HS3ST5: variants seen among roughly 807,000 people sequenced by gnomAD.
HS3ST5 encodes the protein heparan sulfate-glucosamine 3-sulfotransferase 5.
Under a neutral mutation model 25.4 loss-of-function variants are expected in HS3ST5, and 10 were observed. That is an observed-to-expected ratio of 0.39 (90% CI 0.24 to 0.67). The LOEUF is 0.67. Ranked by LOEUF, HS3ST5 falls within the 30% of genes least tolerant of loss-of-function variation. The pLI is 0.44. For missense variants in HS3ST5, 324 were observed against 420.7 expected (o/e 0.77, Z 2.01); for synonymous variants, 170 against 162.4 (o/e 1.05, Z -0.36).
intron 1 of HS3ST5, among the ~76,000 whole-genome samples, chr6:114,271,907 T>C (rs1773652954): frequency 6.6e-6 from 1 of 152,076 alleles, no homozygotes; most frequent in Non-Finnish European, 1.5e-5. Flanking sequence ...CTCCTTCTTT[T>C]TCTCAAATCT....
chr6:114,084,772 G>A (rs1774696890), intron 3 of HS3ST5: 1 of 759,680 alleles, frequency 1.3e-6, no homozygotes, highest in African/African-American at 1.7e-5. Flanking sequence ...TGGCTCCAGT[G>A]GCAGCAGCAA....
At chr6:114,181,121 T>A (rs1373206259) in intron 2 of HS3ST5, among the ~76,000 whole-genome samples, 4 of 152,196 alleles carry the variant, frequency 2.6e-5, no homozygotes, top group African/African-American at 9.7e-5. Flanking sequence ...CAAAAGTAGT[T>A]CCTCAGGGAT....
intron 2 of HS3ST5, among the ~76,000 whole-genome samples, chr6:114,223,716 G>A (rs758057727): frequency 6.6e-5 from 10 of 151,698 alleles, no homozygotes; most frequent in African/African-American, 1.9e-4. Context: ...GAGAAGCTAC[G>A]TGGAACCTCT....
intron 3 of HS3ST5, among the ~76,000 whole-genome samples, chr6:114,095,765 C>A (rs1775391690): frequency 6.6e-6 from 1 of 152,126 alleles, no homozygotes; most frequent in African/African-American, 2.4e-5. Flanking sequence ...TTTCCTAAAG[C>A]AGAAACCTGG....
At chr6:114,149,721 G>A (rs1252675725) in intron 3 of HS3ST5, among the ~76,000 whole-genome samples, 1 of 151,884 alleles carries the variant, frequency 6.6e-6, no homozygotes, top group African/African-American at 2.4e-5. Flanking sequence ...CATGTGTCCT[G>A]GAACTTCAAG....
rs562829219 is a variant in HS3ST5, at chr6:114,200,512, A to G, written c.-145+28073T>C. Among the ~76,000 whole-genome samples, 7 of 152,326 alleles carry G rather than the reference A, an allele frequency of 4.6e-5. No individual in the cohort carries two copies. In the South Asian group the frequency reaches 1.4e-3, roughly 32 times the overall value. ...CATTTTGGTTTAATGCATATTCAATAATAAAAGTACTTTCTTGTTCTATAC... is the reference window on the plus strand; with the variant it reads ...CATTTTGGTTTAATGCATATTCAATGATAAAAGTACTTTCTTGTTCTATAC... On this transcript the variant is annotated intron_variant, in intron 2 of 4. Transcript: ENST00000312719.
rs1403981865 is a variant in HS3ST5, at chr6:114,193,551, C to T, written c.-144-25089G>A. ...ATTCTCCCTGGTATGAACCCTGGCACTGACCTTGAACAAATTCGTTATTAA... is the reference window on the plus strand; with the variant it reads ...ATTCTCCCTGGTATGAACCCTGGCATTGACCTTGAACAAATTCGTTATTAA... On this transcript the variant is annotated intron_variant, in intron 2 of 4. Transcript: ENST00000312719. Among the ~76,000 whole-genome samples the T allele has an allele frequency of 2.0e-5, 3 of 152,184 alleles. No individual in the cohort carries two copies. The East Asian group carries it at 5.8e-4, about 29-fold the overall frequency.
chr6:114,288,203 T>C (rs962061314), intron 1 of HS3ST5, among the ~76,000 whole-genome samples: 9 of 152,094 alleles, frequency 5.9e-5, no homozygotes, highest in African/African-American at 2.2e-4. Context: ...GTAAACAGCA[T>C]TTGATAGAGT....
intron 2 of HS3ST5, among the ~76,000 whole-genome samples, chr6:114,190,125 A>G (rs1780425959): frequency 1.3e-5 from 2 of 152,196 alleles, no homozygotes; most frequent in Non-Finnish European, 2.9e-5. Context: ...CTGCCTAATT[A>G]TTCCAAGTTC....
intron 2 of HS3ST5, among the ~76,000 whole-genome samples, chr6:114,197,025 A>G (rs529698557): frequency 6.6e-6 from 1 of 152,294 alleles, no homozygotes; most frequent in Non-Finnish European, 1.5e-5. Flanking sequence ...GAGACAGCCC[A>G]AGGCCCCAGG....
chr6:114,216,866 A>G (rs1056076193), intron 2 of HS3ST5, among the ~76,000 whole-genome samples: 1 of 152,086 alleles, frequency 6.6e-6, no homozygotes, highest in African/African-American at 2.4e-5. Context: ...AAGCTCTCTC[A>G]GGGTAGGCAA....
chr6:114,309,712 G>T (rs892973813), intron 1 of HS3ST5, among the ~76,000 whole-genome samples: 1 of 152,154 alleles, frequency 6.6e-6, no homozygotes, highest in African/African-American at 2.4e-5. Flanking sequence ...CAGCCTGGGC[G>T]ACAGAGTGAG....
chr6:114,115,999 A>G (rs1433526830), intron 3 of HS3ST5: 1 of 152,162 alleles, frequency 6.6e-6, no homozygotes, highest in Non-Finnish European at 1.5e-5. Context: ...ATACTAAAGC[A>G]TAAAATAAAA....
intron 1 of HS3ST5, among the ~76,000 whole-genome samples, chr6:114,245,267 A>G (rs1038593536): frequency 6.6e-6 from 1 of 152,218 alleles, no homozygotes; most frequent in Non-Finnish European, 1.5e-5. Context: ...TGGAAATTGG[A>G]AAGTCCCCAT....
intron 2 of HS3ST5, among the ~76,000 whole-genome samples, chr6:114,198,268 GC>G (rs938414522): frequency 6.6e-6 from 1 of 151,960 alleles, no homozygotes; most frequent in African/African-American, 2.4e-5. Flanking sequence ...AATGAACGAA[GC>G]CTTTGAGATA....
At chr6:114,175,572 T>A (rs1251428375) in intron 2 of HS3ST5, among the ~76,000 whole-genome samples, 3 of 152,080 alleles carry the variant, frequency 2.0e-5, no homozygotes, top group Non-Finnish European at 4.4e-5. Context: ...ATTTCACAAA[T>A]GCCTTTGGCT....
intron 1 of HS3ST5, among the ~76,000 whole-genome samples, chr6:114,267,262 G>C (rs187766430): frequency 7.2e-5 from 11 of 152,152 alleles, no homozygotes; most frequent in Non-Finnish European, 1.2e-4. Context: ...ATAAGAAAAG[G>C]TACCCATTTT....
intron 3 of HS3ST5, among the ~76,000 whole-genome samples, chr6:114,158,570 G>C (rs1778805125): frequency 6.6e-6 from 1 of 152,186 alleles, no homozygotes; most frequent in South Asian, 2.1e-4. Flanking sequence ...ATGAGGCTGA[G>C]GGAGATGAAG....
chr6:114,290,313 G>A lies in HS3ST5; in HGVS notation c.-339+51882C>T, dbSNP rs565208262. On this transcript the variant is annotated intron_variant, in intron 1 of 4. Transcript: ENST00000312719. Reference sequence around the variant, plus strand: ...ACTGCTTTTACTAGTGCAGGCTGAGGAAGACAAAAGGTTCAATCTATTGCT... The same window carrying A: ...ACTGCTTTTACTAGTGCAGGCTGAGAAAGACAAAAGGTTCAATCTATTGCT... 2.2e-4 allele frequency among the ~76,000 whole-genome samples: 34 copies of A among 152,212 alleles called. No homozygotes were observed. The South Asian group carries it at 6.8e-3, about 31-fold the overall frequency.
Sources: gnomAD v4.1 joint callset for allele counts (sites outside exome capture counted in the v4.1 genomes callset) on GRCh38, gnomAD v4.1.1 for gene constraint, MANE v1.5 for transcripts, NCBI Gene and HGNC (gene_info 2026-07-23, HGNC 2026-07-21) for gene names.